Variants in TCF12 observed in about 807,000 individuals in gnomAD.
TCF12 encodes DNA-binding protein HTF4.
Under a neutral mutation model 86.0 loss-of-function variants are expected in TCF12, and 45 were observed. The ratio of observed to expected loss-of-function variants is 0.52; its 90% CI spans 0.41 to 0.67. The LOEUF (loss-of-function observed/expected upper bound fraction) is 0.67. Ranked by LOEUF, TCF12 falls within the 30% of genes least tolerant of loss-of-function variation. The probability of loss-of-function intolerance (pLI) is 0.00; values close to 1 mark genes in which losing one functional copy is unlikely to be tolerated. For missense variants in TCF12, 881 were observed against 859.9 expected (o/e 1.02, Z -0.31); for synonymous variants, 330 against 299.6 (o/e 1.10, Z -1.05).
rs200158392 is a variant in TCF12 at position 57,149,900 on chromosome 15, T to A, written c.326-16502T>A. 1.6e-4 allele frequency among the ~76,000 whole-genome samples: 25 copies of A among 152,258 alleles called. No individual in the cohort carries two copies. In the East Asian group the frequency reaches 4.2e-3, roughly 26 times the overall value. On this transcript the variant is annotated intron_variant, in intron 5 of 20. Transcript: ENST00000333725. The stretch of plus-strand genomic sequence containing the variant: ...AGAAAGCTTTTTTATTTTTTTCCTT[T>A]AAAGGGGGTGTGTGAAAGGGTTTCT...
At chr15:57,144,325 G>A (rs2053205178) in intron 5 of TCF12, among the ~76,000 whole-genome samples, 1 of 152,190 alleles carries the variant, frequency 6.6e-6, no homozygotes, top group Non-Finnish European at 1.5e-5. Flanking sequence ...AAATGAAAGT[G>A]ACAGAAAGAG....
At chr15:57,189,214 A>G (rs2056849209) in intron 6 of TCF12, among the ~76,000 whole-genome samples, 1 of 152,232 alleles carries the variant, frequency 6.6e-6, no homozygotes, top group South Asian at 2.1e-4. Flanking sequence ...CTTAGATACA[A>G]CATCAAAAGA....
At chr15:57,209,749 C>T (rs1371526705) in intron 8 of TCF12, among the ~76,000 whole-genome samples, 2 of 152,178 alleles carry the variant, frequency 1.3e-5, no homozygotes, top group African/African-American at 2.4e-5. Flanking sequence ...AGTAGCTTCC[C>T]TTATTATAAA....
intron 5 of TCF12, among the ~76,000 whole-genome samples, chr15:57,146,744 C>T (rs2053391275): frequency 6.6e-6 from 1 of 152,162 alleles, no homozygotes; most frequent in Non-Finnish European, 1.5e-5. Flanking sequence ...ATCAACTGAG[C>T]TTTCAGATTT....
At chr15:57,188,698 T>C (rs957204014) in intron 6 of TCF12, among the ~76,000 whole-genome samples, 16 of 152,236 alleles carry the variant, frequency 1.1e-4, no homozygotes, top group Admixed American at 9.8e-4. Context: ...GGAAATAGTA[T>C]TATCTTCAAT....
chr15:57,149,473 G>T (rs2053592821), intron 5 of TCF12, among the ~76,000 whole-genome samples: 1 of 152,182 alleles, frequency 6.6e-6, no homozygotes, highest in Admixed American at 6.5e-5. Context: ...TAGTACAGGA[G>T]ATCATTTTCT....
chr15:57,231,408 T>C, intron 9 of TCF12, 151 bp downstream of exon 9: 1 of 603,340 alleles, frequency 1.7e-6, no homozygotes, highest in African/African-American at 1.9e-5. Flanking sequence ...AATTTTCCAG[T>C]GGTGTTTATT....
At chr15:56,944,361 T>G (rs1376415018) in intron 3 of TCF12, among the ~76,000 whole-genome samples, 1 of 152,204 alleles carries the variant, frequency 6.6e-6, no homozygotes, top group Non-Finnish European at 1.5e-5. Flanking sequence ...GGTTGTCAGT[T>G]TTATTTTCAG....
At chr15:57,211,021 T>A (rs1458433045) in intron 8 of TCF12, among the ~76,000 whole-genome samples, 21 of 152,336 alleles carry the variant, frequency 1.4e-4, no homozygotes, top group Non-Finnish European at 3.1e-4. Context: ...GTGCTAAAAT[T>A]ATAACAAAGC....
intron 8 of TCF12, among the ~76,000 whole-genome samples, chr15:57,201,398 A>T (rs1022875914): frequency 6.6e-6 from 1 of 152,188 alleles, no homozygotes; most frequent in African/African-American, 2.4e-5. Flanking sequence ...GTGTCTGGAA[A>T]GATGCGTAGC....
chr15:57,048,956 A>T (rs2067423866), intron 3 of TCF12, among the ~76,000 whole-genome samples: 1 of 152,122 alleles, frequency 6.6e-6, no homozygotes, highest in African/African-American at 2.4e-5. Context: ...TTGAACACTT[A>T]CTTCTCCAGC....
At chr15:56,946,376 A>G (rs2060997731) in intron 3 of TCF12, among the ~76,000 whole-genome samples, 5 of 152,138 alleles carry the variant, frequency 3.3e-5, no homozygotes, top group Admixed American at 1.3e-4. Context: ...TAACCTGTTT[A>G]TTCCATCCAA....
chr15:57,244,420 A>G (rs2059766096), intron 13 of TCF12, among the ~76,000 whole-genome samples: 1 of 152,098 alleles, frequency 6.6e-6, no homozygotes, highest in African/African-American at 2.4e-5. Flanking sequence ...ACTCTCTGTG[A>G]AGGTGGATGA....
chr15:57,143,161 C>CAA (rs34722160), intron 5 of TCF12, among the ~76,000 whole-genome samples: 157 of 116,788 alleles, frequency 1.3e-3, no homozygotes, highest in Admixed American at 2.1e-3. Flanking sequence ...CCCCCCCCAC[C>CAA]AAAAAAAAAA....
In TCF12 at chr15:57,166,485, A is replaced by C; in HGVS notation, c.390+19A>C. 6.2e-7 allele frequency: 1 copy of C among 1,605,678 alleles called. No individual in the cohort carries two copies. ...CTGTCAAGTAAGTTTAATGATTAAA[A>C]AAAGCAATGAGATGGTTTTTAAACA... On this transcript the variant is annotated intron_variant, in intron 6 of 20. Transcript: ENST00000333725.
chr15:56,920,285 C>T (rs2059723155), intron 2 of TCF12, among the ~76,000 whole-genome samples: 1 of 151,576 alleles, frequency 6.6e-6, no homozygotes, highest in African/African-American at 2.4e-5. Context: ...GTTGAGTCAC[C>T]CTCCCACCGC....
chr15:56,993,282 C>T (rs1231618667), intron 3 of TCF12, among the ~76,000 whole-genome samples: 1 of 152,148 alleles, frequency 6.6e-6, no homozygotes, highest in African/African-American at 2.4e-5. Context: ...GCCCTATTCC[C>T]AAGCAACCGT....
chr15:56,988,798 C>A (rs1446581850), intron 3 of TCF12, among the ~76,000 whole-genome samples: 1 of 152,014 alleles, frequency 6.6e-6, no homozygotes, highest in Non-Finnish European at 1.5e-5. Flanking sequence ...AACAAAGGGC[C>A]TTTTCTTATT....
At chr15:57,250,590 G>C (rs1019018477) in intron 13 of TCF12, among the ~76,000 whole-genome samples, 4 of 152,020 alleles carry the variant, frequency 2.6e-5, no homozygotes, top group Non-Finnish European at 4.4e-5. Flanking sequence ...TTAGCTTGGC[G>C]TGGTGGTGTG....
Sources: allele counts gnomAD v4.1 joint callset (sites outside exome capture counted in the v4.1 genomes callset), GRCh38; gene constraint gnomAD v4.1.1; transcripts MANE v1.5; gene names NCBI Gene and HGNC (gene_info 2026-07-23, HGNC 2026-07-21).